Variants in PKD1L1 observed in about 807,000 individuals in gnomAD.
PKD1L1 encodes the protein polycystin-1-like protein 1.
A neutral mutation model predicts 323.4 loss-of-function variants in PKD1L1; 236 were observed. The observed-to-expected ratio is 0.73, with a 90% CI of 0.66 to 0.81. The LOEUF (loss-of-function observed/expected upper bound fraction) is 0.81. PKD1L1 is among the 40% of genes least tolerant of loss of function. The pLI is 0.00. For synonymous variants in PKD1L1, 1,344 were observed against 1,335.0 expected (o/e 1.01, Z -0.15); for missense variants, 3,320 against 3,508.0 (o/e 0.95, Z 1.35).
At chr7:47,868,986 G>C (rs1036123973) in intron 24 of PKD1L1, among the ~76,000 whole-genome samples, 2 of 152,172 alleles carry the variant, frequency 1.3e-5, no homozygotes, top group Non-Finnish European at 2.9e-5. Context: ...CACAAAAAGG[G>C]AAGAGGAAAT....
rs181793275 is a variant in PKD1L1 at position 47,824,699 on chromosome 7, C to T, written c.6854+2651G>A. Among the ~76,000 whole-genome samples the T allele has an allele frequency of 1.2e-3, 188 of 152,224 alleles. 1 individual carries two copies. Among genetic ancestry groups the T allele is most frequent in the Middle Eastern group, 3.4e-3 (1 of 294 alleles). On this transcript the variant is annotated intron_variant, in intron 45 of 56. Transcript: ENST00000289672. Reference sequence around the variant, plus strand: ...CATATTCTTGTCCCCTTTCATTAAGCAGTGGGCAGAACAGCATACCCGCTT... The same window carrying T: ...CATATTCTTGTCCCCTTTCATTAAGTAGTGGGCAGAACAGCATACCCGCTT...
chr7:47,939,918 C>G (rs1787949515), intron 3 of PKD1L1, among the ~76,000 whole-genome samples: 2 of 152,170 alleles, frequency 1.3e-5, no homozygotes, highest in African/African-American at 4.8e-5. Flanking sequence ...GCAGCCCCCA[C>G]TCCCCACCTG....
At position 47,848,153 on chromosome 7, in the gene PKD1L1, G is replaced by A. The variant is rs560638417; in HGVS notation, c.4961-1082C>T. On this transcript the variant is annotated intron_variant, in intron 31 of 56. Coordinates refer to ENST00000289672, the MANE Select transcript of PKD1L1 (RefSeq NM_138295.5). Reference sequence around the variant, plus strand: ...GCTTCAGACACTGCTGGAGGTAAACGTGACAATACTTACCAAAACCACATA... The same window carrying A: ...GCTTCAGACACTGCTGGAGGTAAACATGACAATACTTACCAAAACCACATA... 2.4e-4 allele frequency among the ~76,000 whole-genome samples: 37 copies of A among 152,216 alleles called. 1 individual carries two copies. Among genetic ancestry groups the A allele is most frequent in the African/African-American group, 6.5e-4 (27 of 41,530 alleles).
the PKD1L1 span, among the ~76,000 whole-genome samples, chr7:47,960,668 G>A: frequency 1.4e-5 from 2 of 147,394 alleles, no homozygotes; most frequent in Non-Finnish European, 1.5e-5. Flanking sequence ...TATGAAAGGA[G>A]CAGAAATAAA....
rs1378956822 is a variant in PKD1L1, at chr7:47,929,404, T to C, written c.860A>G (p.Asp287Gly). Reference sequence around the variant, plus strand: ...ATTAAGAACAGGGTTCATGAAGTTATCAGAATTTCGAGCTAGGATGGCCAC... The same window carrying C: ...ATTAAGAACAGGGTTCATGAAGTTACCAGAATTTCGAGCTAGGATGGCCAC... ...PPVAILARNS[D>G]NFMNPVLNCS... The change falls in exon 7 of 57, where the codon GAT (aspartate) becomes GGT (glycine). Residue 287 changes from aspartate (D) to glycine (G), a missense_variant. Physicochemically the swap from Asp to Gly is moderately conservative, Grantham distance 94. Transcript: ENST00000289672. 6.2e-7 allele frequency: 1 copy of C among 1,613,996 alleles called. No homozygotes were observed. Among genetic ancestry groups the C allele is most frequent in the East Asian group, 2.2e-5 (1 of 44,892 alleles).
At position 47,896,329 on chromosome 7, in the gene PKD1L1, CAAAAA is replaced by C. The variant is rs34061319; in HGVS notation, c.2271+1654_2271+1658del. ...TGGGCAACAGAGTGAGACCCTGTCT[CAAAAA>C]AAAAAAAAAAAAAAAAAAAAGGAGT... On this transcript the variant is annotated intron_variant, in intron 14 of 56. Transcript: ENST00000289672. 8.5e-5 allele frequency among the ~76,000 whole-genome samples: 4 copies of C among 46,872 alleles called. No individual in the cohort carries two copies. In the East Asian group the frequency reaches 2.0e-3, roughly 24 times the overall value. 30.7% of individuals were successfully genotyped at this position (46,872 alleles called of 152,430 possible).
intron 41 of PKD1L1, among the ~76,000 whole-genome samples, chr7:47,832,281 T>C (rs1785362646): frequency 1.3e-5 from 2 of 152,164 alleles, no homozygotes; most frequent in African/African-American, 2.4e-5. Context: ...AGTGCTCCCT[T>C]CCAGCCCAGG....
chr7:47,789,976 C>T (rs1786901670), intron 56 of PKD1L1, among the ~76,000 whole-genome samples: 1 of 151,666 alleles, frequency 6.6e-6, no homozygotes, highest in Admixed American at 6.6e-5. Context: ...GCAACCTCTG[C>T]CTCCCAGGTT....
At chr7:47,794,059 T>C (rs1409266392) in intron 55 of PKD1L1, among the ~76,000 whole-genome samples, 10 of 152,164 alleles carry the variant, frequency 6.6e-5, no homozygotes, top group African/African-American at 2.4e-4. Context: ...AAGCATTCCG[T>C]TTTAAATGGG....
intron 54 of PKD1L1, among the ~76,000 whole-genome samples, chr7:47,796,894 G>A (rs1220823043): frequency 1.3e-5 from 2 of 151,094 alleles, no homozygotes; most frequent in African/African-American, 4.9e-5. Flanking sequence ...CAGCTACTCG[G>A]GAGGCTGAGG....
chr7:47,835,351 T>A (rs1041099810), intron 37 of PKD1L1, 108 bp from the exon 38 acceptor site: 7 of 645,124 alleles, frequency 1.1e-5, no homozygotes, highest in African/African-American at 1.9e-5. Flanking sequence ...TACATTATAT[T>A]TAATAAAAGT....
At chr7:47,955,467 C>T in the PKD1L1 span, among the ~76,000 whole-genome samples, 1 of 152,064 alleles carries the variant, frequency 6.6e-6, no homozygotes, top group Non-Finnish European at 1.5e-5. Context: ...CATAAATATC[C>T]AGATTTAAAT....
In PKD1L1 at chr7:47,912,769, TC is replaced by T. The variant is rs1352059231; in HGVS notation, c.1228+2662del. Among the ~76,000 whole-genome samples the T allele has an allele frequency of 1.2e-4, 15 of 125,402 alleles. No homozygotes were observed. The Admixed American group carries it at 1.5e-3, about 12-fold the overall frequency. 82.3% of individuals were successfully genotyped at this position (125,402 alleles called of 152,430 possible). On this transcript the variant is annotated intron_variant, in intron 8 of 56. Coordinates refer to ENST00000289672, the MANE Select transcript of PKD1L1 (RefSeq NM_138295.5). ...AGATGGAGGTTGCAGTGAGCCGAGATCATGCCACTGTACTCCAGCCTGGGCA... is the reference window on the plus strand; with the variant it reads ...AGATGGAGGTTGCAGTGAGCCGAGATATGCCACTGTACTCCAGCCTGGGCA...
intron 15 of PKD1L1, among the ~76,000 whole-genome samples, chr7:47,891,883 C>T (rs967822154): frequency 6.6e-6 from 1 of 152,196 alleles, no homozygotes; most frequent in Admixed American, 6.5e-5. Flanking sequence ...AGGGCTTTCC[C>T]AGAGCATGTG....
intron 13 of PKD1L1, among the ~76,000 whole-genome samples, chr7:47,899,335 G>C (rs1350022486): frequency 3.3e-5 from 5 of 152,040 alleles, no homozygotes; most frequent in Non-Finnish European, 5.9e-5. Context: ...CCATAACAAA[G>C]AATTTTAAAT....
At chr7:47,883,034 G>GT (rs1248071734) in intron 19 of PKD1L1, among the ~76,000 whole-genome samples, 1 of 152,190 alleles carries the variant, frequency 6.6e-6, no homozygotes, top group Non-Finnish European at 1.5e-5. Flanking sequence ...CACAAATGTT[G>GT]TAAGGAGGAA....
Position 47,839,625 on chromosome 7 carries a change from G to A in PKD1L1, c.5590C>T (p.Leu1864Phe). 6.3e-7 allele frequency: 1 copy of A among 1,583,240 alleles called. No individual in the cohort carries two copies. Among genetic ancestry groups the A allele is most frequent in the Middle Eastern group, 1.7e-4 (1 of 6,030 alleles). Residue 1864 changes from leucine (L) to phenylalanine (F), a missense_variant, in exon 36 of 57, where the codon CTC becomes TTC. By Grantham distance (22) the Leu-to-Phe change is conservative. Transcript: ENST00000289672. The surrounding 1 kb of genome is among the most constrained non-coding windows in gnomAD (Gnocchi z 4.3). ...GAAGGCCCACGGCTGTCGTGCCAGA[G>A]GCGGATCTTCCTCAGCAGGCCCAGT... Reference protein sequence around the residue: ...AQLGLLRKIRLWHDSRGPSPG... With the variant: ...AQLGLLRKIRFWHDSRGPSPG...
chr7:47,897,094 G>C (rs1352861162), intron 14 of PKD1L1, among the ~76,000 whole-genome samples: 2 of 152,214 alleles, frequency 1.3e-5, no homozygotes, highest in Admixed American at 6.5e-5. Flanking sequence ...GATAAGTACA[G>C]ACACTGAGAG....
rs772384307 is a variant in PKD1L1, at chr7:47,929,571, A to G, written c.738-45T>C. The G allele has an allele frequency of 1.1e-5, 17 of 1,531,614 alleles. No individual in the cohort carries two copies. The Middle Eastern group carries it at 1.4e-3, about 129-fold the overall frequency. 94.9% of individuals were successfully genotyped at this position (1,531,614 alleles called of 1,614,324 possible). ...GCTTCAGATTTCATGACAGTGGACC[A>G]CTGGGGTGGGAGGGCAGAAGCCAAG... On this transcript the variant is annotated intron_variant, in intron 6 of 56. Coordinates refer to ENST00000289672, the MANE Select transcript of PKD1L1 (RefSeq NM_138295.5).
Sources: gnomAD v4.1 joint callset for allele counts (sites outside exome capture counted in the v4.1 genomes callset) on GRCh38, gnomAD v4.1.1 for gene constraint, Gnocchi (gnomAD v3.1) non-coding constraint, MANE v1.5 for transcripts, NCBI Gene and HGNC (gene_info 2026-07-23, HGNC 2026-07-21) for gene names.